SPIDR: variants seen among roughly 807,000 people sequenced by gnomAD.
SPIDR encodes the protein DNA repair-scaffolding protein.
A neutral mutation model predicts 104.6 loss-of-function variants in SPIDR; 93 were observed. That is an observed-to-expected ratio of 0.89 (90% CI 0.75 to 1.06). SPIDR has a LOEUF of 1.06. SPIDR is among the 50% of genes least tolerant of loss of function. SPIDR has a pLI of 0.00. For synonymous variants in SPIDR, 431 were observed against 416.9 expected (o/e 1.03, Z -0.41); for missense variants, 1,154 against 1,111.2 (o/e 1.04, Z -0.55).
intron 11 of SPIDR, among the ~76,000 whole-genome samples, chr8:47,697,384 C>T (rs867726380): frequency 6.6e-6 from 1 of 152,006 alleles, no homozygotes; most frequent in African/African-American, 2.4e-5. Flanking sequence ...ATAAAATTTA[C>T]AATTTTAACC....
chr8:47,609,073 G>A (rs2063321743), intron 10 of SPIDR, among the ~76,000 whole-genome samples: 1 of 152,210 alleles, frequency 6.6e-6, no homozygotes, highest in African/African-American at 2.4e-5. Context: ...CTTCTTTAGA[G>A]AAATGTCTTT....
intron 8 of SPIDR, among the ~76,000 whole-genome samples, chr8:47,499,185 A>G (rs573610078): frequency 2.0e-5 from 3 of 152,332 alleles, no homozygotes; most frequent in African/African-American, 7.2e-5. Flanking sequence ...AAGCAGAGAA[A>G]ATATGAAGAG....
intron 8 of SPIDR, among the ~76,000 whole-genome samples, chr8:47,565,992 A>ATATATATATATAT (rs1554802202): frequency 2.0e-4 from 3 of 14,950 alleles, no homozygotes; most frequent in Admixed American, 1.6e-3. Context: ...ATATATATAT[A>ATATATATATATAT]TTTTTTTTTT....
chr8:47,626,193 A>G (rs972611914), intron 10 of SPIDR, among the ~76,000 whole-genome samples: 5 of 152,240 alleles, frequency 3.3e-5, no homozygotes, highest in African/African-American at 1.2e-4. Flanking sequence ...ATATGTAGAA[A>G]GCTGAAACTG....
At chr8:47,476,739 A>G (rs2076335749) in intron 8 of SPIDR, among the ~76,000 whole-genome samples, 1 of 152,240 alleles carries the variant, frequency 6.6e-6, no homozygotes, top group Admixed American at 6.5e-5. Flanking sequence ...TAATTGGCTT[A>G]GAAAAATACC....
intron 1 of SPIDR, among the ~76,000 whole-genome samples, chr8:47,271,768 C>G (rs1348410448): frequency 6.6e-6 from 1 of 151,868 alleles, no homozygotes; most frequent in Admixed American, 6.6e-5. Context: ...TCATGCTTTC[C>G]TGTTTCTTCA....
chr8:47,708,771 T>G (rs899493398), intron 14 of SPIDR, among the ~76,000 whole-genome samples: 2 of 152,108 alleles, frequency 1.3e-5, no homozygotes, highest in Non-Finnish European at 2.9e-5. Flanking sequence ...AATCTTAGAG[T>G]CTGTAGCCTT....
intron 7 of SPIDR, among the ~76,000 whole-genome samples, chr8:47,409,889 G>A (rs1369610047): frequency 1.3e-5 from 2 of 152,068 alleles, no homozygotes; most frequent in Admixed American, 6.6e-5. Context: ...TTAACTGTAC[G>A]TGGTGGCACA....
chr8:47,484,187 A>C (rs2077234799), intron 8 of SPIDR, among the ~76,000 whole-genome samples: 1 of 152,220 alleles, frequency 6.6e-6, no homozygotes, highest in African/African-American at 2.4e-5. Flanking sequence ...GAATGAGTGA[A>C]GGGAAGTTGC....
intron 10 of SPIDR, among the ~76,000 whole-genome samples, chr8:47,634,872 A>T (rs1471994039): frequency 1.3e-5 from 2 of 152,232 alleles, no homozygotes; most frequent in Non-Finnish European, 2.9e-5. Context: ...TGAATGGAGA[A>T]TTGAACAGCT....
chr8:47,326,078 C>T (rs2047613727), intron 5 of SPIDR, among the ~76,000 whole-genome samples: 1 of 152,176 alleles, frequency 6.6e-6, no homozygotes, highest in Non-Finnish European at 1.5e-5. Flanking sequence ...ACTGCAGCCT[C>T]CACCTCCCCA....
chr8:47,291,112 T>C lies in SPIDR; in HGVS notation c.336T>C (p.Asp112=). 2 of 1,612,912 alleles carry C rather than the reference T, an allele frequency of 1.2e-6. No homozygotes were observed. The highest frequency in any genetic ancestry group is 1.7e-6 in the Non-Finnish European group (2 of 1,179,230). Residue 112 remains aspartate (D), a synonymous_variant, in exon 4 of 20, where the codon GAT becomes GAC. Coordinates refer to ENST00000297423, the MANE Select transcript of SPIDR (RefSeq NM_001080394.4). ...GTGGAAGTGATTTGTCGGATGAAGA[T>C]AAGACACTTTCTCAGTTACAGAGAG... The part of the protein sequence containing the change: ...SSSGSDLSDE[D]KTLSQLQRDE...
At chr8:47,659,829 C>CT (rs1278191100) in intron 10 of SPIDR, 2 of 646,744 alleles carry the variant, frequency 3.1e-6, no homozygotes, top group African/African-American at 2.0e-5. Flanking sequence ...CTTTGTTGAT[C>CT]TTTAGAGGCT....
At chr8:47,325,079 A>G (rs1251439173) in intron 5 of SPIDR, among the ~76,000 whole-genome samples, 1 of 152,190 alleles carries the variant, frequency 6.6e-6, no homozygotes, top group African/African-American at 2.4e-5. Context: ...TAAGAACATT[A>G]CATTCTGAGG....
intron 8 of SPIDR, among the ~76,000 whole-genome samples, chr8:47,464,111 TATACACACACACACACAC>T: frequency 1.0e-5 from 1 of 95,444 alleles, no homozygotes; most frequent in Admixed American, 1.3e-4. Context: ...CCCTAAAGAT[TATACACACACACACACAC>T]ACACACACAC....
At chr8:47,550,785 G>C (rs538909291) in intron 8 of SPIDR, among the ~76,000 whole-genome samples, 2 of 152,206 alleles carry the variant, frequency 1.3e-5, no homozygotes, top group East Asian at 3.9e-4. Flanking sequence ...GATTGCCCTG[G>C]CCAGAACTTC....
intron 6 of SPIDR, among the ~76,000 whole-genome samples, chr8:47,406,798 G>A (rs1045090546): frequency 6.6e-6 from 1 of 152,140 alleles, no homozygotes; most frequent in African/African-American, 2.4e-5. Flanking sequence ...TCCTCATCTG[G>A]TTAGTTACGT....
intron 10 of SPIDR, among the ~76,000 whole-genome samples, chr8:47,671,742 T>C (rs1349878849): frequency 2.6e-5 from 4 of 152,220 alleles, no homozygotes; most frequent in Non-Finnish European, 5.9e-5. Flanking sequence ...GCGTCATTCA[T>C]TGCTCTTTAG....
intron 8 of SPIDR, among the ~76,000 whole-genome samples, chr8:47,451,809 C>T (rs1476693643): frequency 6.6e-6 from 1 of 152,052 alleles, no homozygotes; most frequent in Non-Finnish European, 1.5e-5. Flanking sequence ...GGAGGAAACA[C>T]CAGAAAAAAT....
Sources: gnomAD v4.1 joint callset for allele counts (sites outside exome capture counted in the v4.1 genomes callset) on GRCh38, gnomAD v4.1.1 for gene constraint, MANE v1.5 for transcripts, NCBI Gene and HGNC (gene_info 2026-07-23, HGNC 2026-07-21) for gene names.